MYO16: variants seen among roughly 807,000 people sequenced by gnomAD.
The protein encoded by MYO16 is unconventional myosin-XVI.
A neutral mutation model predicts 205.3 loss-of-function variants in MYO16; 94 were observed. The observed-to-expected ratio is 0.46, with a 90% CI of 0.39 to 0.54. The LOEUF (loss-of-function observed/expected upper bound fraction) is 0.54. Among genes scored for constraint, MYO16 ranks in the 20% least tolerant of loss-of-function variants. The probability of loss-of-function intolerance (pLI) is 0.00; values close to 1 mark genes in which losing one functional copy is unlikely to be tolerated. For synonymous variants in MYO16, 988 were observed against 954.0 expected, an observed-to-expected ratio of 1.04 and a Z score of -0.66; for missense variants, 2,315 against 2,387.5, an observed-to-expected ratio of 0.97 and a Z score of 0.63.
intron 29 of MYO16, among the ~76,000 whole-genome samples, chr13:109,120,668 T>C (rs1172447142): frequency 6.6e-6 from 1 of 152,218 alleles, no homozygotes; most frequent in Non-Finnish European, 1.5e-5. Context: ...CATCTCAAAA[T>C]CAACATTTGC....
At chr13:108,618,932 G>A (rs893125502) in intron 1 of MYO16, among the ~76,000 whole-genome samples, 16 of 151,992 alleles carry the variant, frequency 1.1e-4, no homozygotes, top group African/African-American at 3.6e-4. Flanking sequence ...CAACCACCAC[G>A]AGATCAAAAT....
At chr13:108,740,636 G>C (rs1257089558) in intron 4 of MYO16, among the ~76,000 whole-genome samples, 3 of 152,138 alleles carry the variant, frequency 2.0e-5, no homozygotes, top group Non-Finnish European at 2.9e-5. Flanking sequence ...ACTCCGTGCT[G>C]GGAGAACCAC....
At chr13:108,812,449 G>A (rs566285247) in intron 7 of MYO16, among the ~76,000 whole-genome samples, 5 of 152,164 alleles carry the variant, frequency 3.3e-5, no homozygotes, top group Non-Finnish European at 7.4e-5. Flanking sequence ...CTGAATAAAT[G>A]TGTGAGCAGT....
Position 109,141,250 on chromosome 13 carries a change from G to A in MYO16, c.5038G>A (p.Ala1680Thr). The A allele has an allele frequency of 6.2e-7, 1 of 1,605,184 alleles. No individual in the cohort carries two copies. The highest frequency in any genetic ancestry group is 8.5e-7 in the Non-Finnish European group (1 of 1,175,960). ...GGCCGGCTCCAGTGCCTCGCCCCCC[G>A]CGCCCTACAGCCCTCCCAGCTCCAG... ...RKAGSSASPP[A>T]PYSPPSSRPL... is the part of the protein sequence containing the mutation. Residue 1680 changes from alanine to threonine, a missense_variant, in exon 32 of 35, where the codon GCG becomes ACG. Physicochemically the swap from Ala to Thr is moderately conservative, Grantham distance 58 (BLOSUM62 0). This residue lies in a region of MYO16 where 1,097 missense variants were observed against 1,092.0 expected (regional missense o/e 1.00). Transcript: ENST00000457511. The surrounding 1 kb of genome is among the most constrained non-coding windows in gnomAD (Gnocchi z 4.1).
chr13:108,806,828 T>A, intron 7 of MYO16, 24 bp downstream of exon 7: 1 of 1,429,216 alleles, frequency 7.0e-7, no homozygotes, highest in Non-Finnish European at 9.3e-7. Flanking sequence ...CTGAATTCTT[T>A]AAAAAATAAT....
At chr13:108,812,393 G>A (rs938760905) in intron 7 of MYO16, among the ~76,000 whole-genome samples, 1 of 152,184 alleles carries the variant, frequency 6.6e-6, no homozygotes, top group African/African-American at 2.4e-5. Context: ...TACTGGCTAA[G>A]TTACTATTTA....
At position 108,778,605 on chromosome 13, in the gene MYO16, C is replaced by T. The variant is rs374978868; in HGVS notation, c.508-7030C>T. ...CTGCACTCCAGCCTGAGTGACAGGG[C>T]GAGACTCCATCTAAAAAAATATATA... On this transcript the variant is annotated intron_variant, in intron 4 of 34. Coordinates refer to ENST00000457511, the MANE Select transcript of MYO16 (RefSeq NM_001198950.3). Among the ~76,000 whole-genome samples the T allele has an allele frequency of 1.1e-4, 16 of 147,938 alleles. No individual in the cohort carries two copies. The East Asian group carries it at 1.5e-3, about 14-fold the overall frequency.
intron 6 of MYO16, among the ~76,000 whole-genome samples, chr13:108,800,307 A>G (rs923876234): frequency 2.6e-5 from 4 of 152,212 alleles, no homozygotes; most frequent in Non-Finnish European, 5.9e-5. Flanking sequence ...AGTGGTCTCT[A>G]CAGCCTCTCT....
At chr13:108,985,990 G>T (rs1300213771) in intron 20 of MYO16, among the ~76,000 whole-genome samples, 3 of 152,150 alleles carry the variant, frequency 2.0e-5, no homozygotes, top group South Asian at 2.1e-4. Flanking sequence ...CACATGGCTA[G>T]GGAGGCCTCA....
Position 108,666,105 on chromosome 13 carries a change from C to G in MYO16, c.248C>G (p.Thr83Arg). The G allele has an allele frequency of 1.2e-6, 2 of 1,613,724 alleles. No individual in the cohort carries two copies. The highest frequency in any genetic ancestry group is 1.7e-6 in the Non-Finnish European group (2 of 1,179,732). Residue 83 changes from threonine (T) to arginine (R), a missense_variant, in exon 2 of 35, where the codon ACG (threonine) becomes AGG (arginine). Thr to Arg is a moderately conservative substitution (Grantham distance 71). Around this residue, in one of 3 missense-constraint regions of MYO16, gnomAD observed 1,213 missense variants for 1,274.4 expected, o/e 0.95. Transcript: ENST00000457511. ...AKNPKVHFNL[T>R]DMLQDAIIHH... The stretch of plus-strand genomic sequence containing the variant: ...AATCCGAAAGTTCACTTCAACCTCA[C>G]GGACATGCTACAGGACGCGATTATC...
intron 23 of MYO16, among the ~76,000 whole-genome samples, chr13:109,040,385 C>CACAGAGATAGAGAGAGAGAG (rs1394314811): frequency 8.8e-6 from 1 of 113,216 alleles, no homozygotes; most frequent in Admixed American, 1.0e-4. Flanking sequence ...CACACACACA[C>CACAGAGATAGAGAGAGAGAG]AGAGAGAGAG....
At chr13:108,552,479 C>T in the MYO16 span, among the ~76,000 whole-genome samples, 1 of 152,172 alleles carries the variant, frequency 6.6e-6, no homozygotes, top group South Asian at 2.1e-4. Context: ...GCAGGAGCTT[C>T]CTGTTTACAC....
intron 4 of MYO16, among the ~76,000 whole-genome samples, chr13:108,732,705 G>A (rs1277445187): frequency 3.3e-5 from 5 of 152,192 alleles, no homozygotes; most frequent in Non-Finnish European, 7.3e-5. Flanking sequence ...AAGAAGTGAC[G>A]TGATGGCTTC....
upstream of MYO16, among the ~76,000 whole-genome samples, chr13:108,594,952 A>G (rs1398208712): frequency 5.9e-5 from 9 of 152,194 alleles, no homozygotes; most frequent in Admixed American, 6.5e-5. Flanking sequence ...TTGCCTCTTT[A>G]TCATCAGTTA....
chr13:108,584,879 T>C, the MYO16 span, among the ~76,000 whole-genome samples: 10 of 152,244 alleles, frequency 6.6e-5, no homozygotes, highest in Non-Finnish European at 1.0e-4. Context: ...AATTGAAATC[T>C]GATCTTAGAG....
Position 109,140,210 on chromosome 13 carries a change from G to T in MYO16, c.4052-54G>T. On this transcript the variant is annotated intron_variant, in intron 31 of 34. Transcript: ENST00000457511. This position sits in a 1 kb window ranked among gnomAD's most constrained non-coding sequence, Gnocchi z 8.0. ...CTCCGAGTCGAGCCCCGGGCTTGGT[G>T]GGCACCCGTGGGCCTGGCCTGGCAC... 6.3e-7 allele frequency: 1 copy of T among 1,580,504 alleles called. No individual in the cohort carries two copies. The highest frequency in any genetic ancestry group is 8.5e-7 in the Non-Finnish European group (1 of 1,171,584).
At chr13:108,937,985 T>C (rs1882565833) in intron 16 of MYO16, among the ~76,000 whole-genome samples, 1 of 152,218 alleles carries the variant, frequency 6.6e-6, no homozygotes, top group African/African-American at 2.4e-5. Flanking sequence ...ATTGCAGTGG[T>C]TTCTTCTGAT....
intron 23 of MYO16, among the ~76,000 whole-genome samples, chr13:109,022,254 AAT>A (rs1474180875): frequency 3.1e-5 from 4 of 129,546 alleles, no homozygotes; most frequent in South Asian, 2.2e-4. Context: ...TATATATACA[AAT>A]ATATATACAT....
At chr13:108,609,633 A>C (rs1879097961) in intron 1 of MYO16, among the ~76,000 whole-genome samples, 1 of 152,234 alleles carries the variant, frequency 6.6e-6, no homozygotes, top group South Asian at 2.1e-4. Flanking sequence ...GATAGCGTGG[A>C]AATTTCATTT....
Sources: gnomAD v4.1 joint callset for allele counts (sites outside exome capture counted in the v4.1 genomes callset) on GRCh38, gnomAD v4.1.1 for gene constraint, gnomAD v4.1.1 regional missense constraint, Gnocchi (gnomAD v3.1) non-coding constraint, MANE v1.5 for transcripts, NCBI Gene and HGNC (gene_info 2026-07-23, HGNC 2026-07-21) for gene names.